PHKB: variants seen among roughly 807,000 people sequenced by gnomAD.
PHKB encodes the protein phosphorylase b kinase regulatory subunit beta.
In PHKB, 122 loss-of-function variants were observed where a neutral mutation model predicts 152.1. That is an observed-to-expected ratio of 0.80 (90% CI 0.69 to 0.93). The LOEUF is 0.93. PHKB is among the 40% of genes least tolerant of loss of function. The pLI is 0.00. For missense variants in PHKB, 1,304 were observed against 1,328.4 expected, an observed-to-expected ratio of 0.98 and a Z score of 0.29; for synonymous variants, 436 against 464.9, an observed-to-expected ratio of 0.94 and a Z score of 0.80.
chr16:47,602,932 T>A (rs12922596), intron 13 of PHKB, among the ~76,000 whole-genome samples: 1 of 149,760 alleles, frequency 6.7e-6, no homozygotes, highest in East Asian at 1.9e-4. Flanking sequence ...CTTCTCTCTG[T>A]CTCTCTCTCT....
chr16:47,597,678 C>CTTTTTT (rs1010545365), intron 13 of PHKB: 37 of 107,822 alleles, frequency 3.4e-4, no homozygotes, highest in African/African-American at 4.7e-4. Context: ...TTTCTTTTTT[C>CTTTTTT]TTTTTTTTTT....
chr16:47,599,088 T>G (rs776314033), intron 13 of PHKB: 39 of 569,238 alleles, frequency 6.9e-5, no homozygotes, highest in Non-Finnish European at 9.6e-5. Flanking sequence ...GTTAGAATGT[T>G]ATTTCCGTCT....
chr16:47,681,099 C>G (rs1973845547), intron 26 of PHKB, among the ~76,000 whole-genome samples: 1 of 152,136 alleles, frequency 6.6e-6, no homozygotes, highest in African/African-American at 2.4e-5. Context: ...TTTCTTAATC[C>G]TGAGTTCTAA....
At position 47,481,584 on chromosome 16, in the gene PHKB, A is replaced by C. The variant is rs571782734; in HGVS notation, c.77-15815A>C. ...TGACATTAACCTGACAAAGCCAATT[A>C]ATCCAGAAACCATTGGTTTCCCACA... is the stretch of plus-strand genomic sequence containing the variant. On this transcript the variant is annotated intron_variant, in intron 1 of 30. Coordinates refer to ENST00000323584, the MANE Select transcript of PHKB (RefSeq NM_000293.3). Among the ~76,000 whole-genome samples, 87 of 152,372 alleles carry C rather than the reference A, an allele frequency of 5.7e-4. 1 individual carries two copies. The highest frequency in any genetic ancestry group is 2.0e-3 in the African/African-American group (83 of 41,594).
intron 6 of PHKB, among the ~76,000 whole-genome samples, chr16:47,539,831 G>A (rs1050889113): frequency 2.0e-5 from 3 of 152,064 alleles, no homozygotes; most frequent in East Asian, 1.9e-4. Flanking sequence ...AGCTGAGGAC[G>A]TATGTCACGT....
chr16:47,463,314 A>C (rs538743355), intron 1 of PHKB: 2 of 152,680 alleles, frequency 1.3e-5, no homozygotes, highest in Non-Finnish European at 2.9e-5. Context: ...TTTTATGTGC[A>C]AAGTGCATAG....
intron 8 of PHKB, among the ~76,000 whole-genome samples, chr16:47,586,956 G>A (rs1205030765): frequency 2.0e-5 from 3 of 151,906 alleles, no homozygotes; most frequent in Non-Finnish European, 4.4e-5. Flanking sequence ...GTATATGGGG[G>A]AATTGTATAA....
intron 1 of PHKB, among the ~76,000 whole-genome samples, chr16:47,493,790 A>C (rs1204559122): frequency 6.6e-6 from 1 of 152,234 alleles, no homozygotes; most frequent in African/African-American, 2.4e-5. Flanking sequence ...TTTTTCACTT[A>C]AGCCTCAAAG....
intron 6 of PHKB, among the ~76,000 whole-genome samples, chr16:47,520,780 A>G (rs1158005288): frequency 1.3e-5 from 2 of 152,232 alleles, no homozygotes; most frequent in African/African-American, 2.4e-5. Context: ...CATGCAGTCC[A>G]TATTATTGTG....
At chr16:47,611,130 G>A (rs1484413676) in intron 14 of PHKB, among the ~76,000 whole-genome samples, 1 of 152,196 alleles carries the variant, frequency 6.6e-6, no homozygotes, top group African/African-American at 2.4e-5. Flanking sequence ...TGCCTTGCAG[G>A]TAAACATTTC....
At chr16:47,619,879 A>G (rs1972587534) in intron 14 of PHKB, among the ~76,000 whole-genome samples, 2 of 152,206 alleles carry the variant, frequency 1.3e-5, no homozygotes, top group Admixed American at 6.5e-5. Context: ...CACTAGGTAT[A>G]AGGTGACCCT....
At chr16:47,657,342 G>A (rs1973357655) in intron 20 of PHKB, among the ~76,000 whole-genome samples, 2 of 152,158 alleles carry the variant, frequency 1.3e-5, no homozygotes, top group Admixed American at 1.3e-4. Context: ...GATACACAAG[G>A]TTTTTGACCA....
intron 1 of PHKB, 152 bp from the exon 2 acceptor site, chr16:47,497,247 C>A: frequency 1.6e-6 from 1 of 622,064 alleles, no homozygotes; most frequent in South Asian, 1.8e-5. Flanking sequence ...TCTTGTTCCC[C>A]CAGCAAGAAG....
At chr16:47,550,977 C>T (rs1052041080) in intron 7 of PHKB, among the ~76,000 whole-genome samples, 3 of 152,182 alleles carry the variant, frequency 2.0e-5, no homozygotes, top group Non-Finnish European at 4.4e-5. Flanking sequence ...TTATCCATTT[C>T]TTCTAGATTT....
At chr16:47,554,590 G>A (rs1026579387) in intron 7 of PHKB, among the ~76,000 whole-genome samples, 2 of 152,160 alleles carry the variant, frequency 1.3e-5, no homozygotes, top group Admixed American at 6.6e-5. Flanking sequence ...CAGCTAGCTC[G>A]GTGTCTTCCC....
intron 26 of PHKB, among the ~76,000 whole-genome samples, chr16:47,681,366 G>T (rs924605048): frequency 1.3e-5 from 2 of 148,424 alleles, no homozygotes; most frequent in African/African-American, 2.4e-5. Flanking sequence ...TGTTGACAGT[G>T]GGGTGTTAAA....
chr16:47,484,831 TA>T (rs1331165213), intron 1 of PHKB, among the ~76,000 whole-genome samples: 1 of 152,208 alleles, frequency 6.6e-6, no homozygotes, highest in Non-Finnish European at 1.5e-5. Context: ...TTTTTCCATT[TA>T]AAAAATTGCA....
At chr16:47,611,870 A>G (rs541110811) in intron 14 of PHKB, among the ~76,000 whole-genome samples, 58 of 152,342 alleles carry the variant, frequency 3.8e-4, no homozygotes, top group Non-Finnish European at 6.3e-4. Context: ...TCTCAAGAAC[A>G]TAAAATTCCT....
At chr16:47,638,351 G>A (rs1972958550) in intron 14 of PHKB, among the ~76,000 whole-genome samples, 2 of 152,284 alleles carry the variant, frequency 1.3e-5, no homozygotes, top group South Asian at 2.1e-4. Flanking sequence ...TGTGAAGATA[G>A]CAATAAGCAA....
Sources: allele counts gnomAD v4.1 joint callset (sites outside exome capture counted in the v4.1 genomes callset), GRCh38; gene constraint gnomAD v4.1.1; transcripts MANE v1.5; gene names NCBI Gene and HGNC (gene_info 2026-07-23, HGNC 2026-07-21).